Variants in ZSWIM6 observed in about 807,000 individuals in gnomAD.
The protein encoded by ZSWIM6 is zinc finger SWIM-type containing 6.
In ZSWIM6, 9 loss-of-function variants were observed where a neutral mutation model predicts 113.2. The ratio of observed to expected loss-of-function variants is 0.08; its 90% CI spans 0.05 to 0.14. ZSWIM6 has a LOEUF of 0.14. Ranked by LOEUF, ZSWIM6 falls within the 10% of genes least tolerant of loss-of-function variation. ZSWIM6 has a pLI of 1.00. For synonymous variants in ZSWIM6, 611 were observed against 606.5 expected, an observed-to-expected ratio of 1.01 and a Z score of -0.11; for missense variants, 1,162 against 1,552.2, an observed-to-expected ratio of 0.75 and a Z score of 4.22.
Position 61,472,808 on chromosome 5 carries a change from C to A in ZSWIM6, c.804C>A (p.Asp268Glu). The A allele has an allele frequency of 6.4e-7, 1 of 1,551,836 alleles. No individual in the cohort carries two copies. Reference sequence around the variant, plus strand: ...TGACCTGCAGCTGTGGAAACAAGGACATATTTTATTGTGCCCATGTTGTGG... The same window carrying A: ...TGACCTGCAGCTGTGGAAACAAGGAAATATTTTATTGTGCCCATGTTGTGG... ...TSVTCSCGNK[D>E]IFYCAHVVAL... Residue 268 changes from aspartate to glutamate, a missense_variant, in exon 2 of 14, where the codon GAC (aspartate) becomes GAA (glutamate). By Grantham distance (45) the Asp-to-Glu change is conservative (BLOSUM62 2). This residue lies in a region of ZSWIM6 where 96 missense variants were observed against 240.3 expected (regional missense o/e 0.40). Coordinates refer to ENST00000252744, the MANE Select transcript of ZSWIM6 (RefSeq NM_020928.2). The surrounding 1 kb of genome is among the most constrained non-coding windows in gnomAD (Gnocchi z 4.1).
chr5:61,523,724 T>C (rs1486434386), intron 5 of ZSWIM6, among the ~76,000 whole-genome samples: 1 of 152,240 alleles, frequency 6.6e-6, no homozygotes, highest in Non-Finnish European at 1.5e-5. Context: ...ATCTTCTATG[T>C]CCAGCTACAT....
At position 61,437,746 on chromosome 5, in the gene ZSWIM6, C is replaced by A. The variant is rs1440077964; in HGVS notation, c.677-34935C>A. 9.3e-5 allele frequency among the ~76,000 whole-genome samples: 14 copies of A among 150,196 alleles called. No individual in the cohort carries two copies. In the East Asian group the frequency reaches 2.5e-3, roughly 27 times the overall value. On this transcript the variant is annotated intron_variant, in intron 1 of 13. Transcript: ENST00000252744. ...AAAAAAAAAAAAAAAAAAAGAAATC[C>A]ACTAGTTGACTCCTAGAACCATGAG... is the stretch of plus-strand genomic sequence containing the variant.
At chr5:61,520,210 A>C (rs1217285956) in intron 4 of ZSWIM6, among the ~76,000 whole-genome samples, 1 of 152,236 alleles carries the variant, frequency 6.6e-6, no homozygotes, top group East Asian at 1.9e-4. Flanking sequence ...TTTCATTCCT[A>C]CCATTATTAT....
intron 1 of ZSWIM6, among the ~76,000 whole-genome samples, chr5:61,409,432 G>T (rs1404277021): frequency 6.6e-6 from 1 of 152,142 alleles, no homozygotes; most frequent in Non-Finnish European, 1.5e-5. Context: ...TGGAAAATTG[G>T]CAAGATTAAT....
intron 1 of ZSWIM6, among the ~76,000 whole-genome samples, chr5:61,381,682 A>G (rs1018946550): frequency 6.6e-6 from 1 of 152,196 alleles, no homozygotes; most frequent in African/African-American, 2.4e-5. Context: ...TCAGAGTGAT[A>G]TATTTTTCCC....
chr5:61,341,362 G>A (rs1353638904), intron 1 of ZSWIM6, among the ~76,000 whole-genome samples: 3 of 152,066 alleles, frequency 2.0e-5, no homozygotes, highest in Non-Finnish European at 2.9e-5. Flanking sequence ...TTTATTAATC[G>A]TCGTAAAATG....
chr5:61,403,607 T>G (rs933207690), intron 1 of ZSWIM6, among the ~76,000 whole-genome samples: 1 of 152,182 alleles, frequency 6.6e-6, no homozygotes, highest in African/African-American at 2.4e-5. Context: ...AAGGAACACT[T>G]TGTCTTCAGA....
intron 1 of ZSWIM6, among the ~76,000 whole-genome samples, chr5:61,437,477 C>T (rs1222231223): frequency 6.6e-6 from 1 of 152,080 alleles, no homozygotes; most frequent in Non-Finnish European, 1.5e-5. Context: ...AGTCCTAGCA[C>T]TTTGGGAAGC....
At chr5:61,418,299 GCT>G (rs1746293635) in intron 1 of ZSWIM6, among the ~76,000 whole-genome samples, 1 of 152,068 alleles carries the variant, frequency 6.6e-6, no homozygotes, top group Non-Finnish European at 1.5e-5. Flanking sequence ...GCGAAATCTT[GCT>G]CTGTCGCCCA....
At chr5:61,349,481 G>C (rs1164307668) in intron 1 of ZSWIM6, among the ~76,000 whole-genome samples, 1 of 152,150 alleles carries the variant, frequency 6.6e-6, no homozygotes, top group African/African-American at 2.4e-5. Context: ...AATGTGAATT[G>C]CTGTGGCATA....
chr5:61,538,017 A>G (rs1580072128), intron 10 of ZSWIM6, among the ~76,000 whole-genome samples: 1 of 152,110 alleles, frequency 6.6e-6, no homozygotes, highest in African/African-American at 2.4e-5. Context: ...CATGGCTCCC[A>G]GGCTCAGCTG....
intron 1 of ZSWIM6, among the ~76,000 whole-genome samples, chr5:61,374,605 G>A (rs1341329982): frequency 6.6e-6 from 1 of 152,176 alleles, no homozygotes; most frequent in South Asian, 2.1e-4. Context: ...CCAGGCTGGA[G>A]TGCAGTGGCC....
chr5:61,380,566 C>G (rs1745453296), intron 1 of ZSWIM6, among the ~76,000 whole-genome samples: 1 of 152,128 alleles, frequency 6.6e-6, no homozygotes, highest in Non-Finnish European at 1.5e-5. Context: ...TCATATGAAG[C>G]CTGAGAGTCC....
intron 2 of ZSWIM6, among the ~76,000 whole-genome samples, chr5:61,480,154 T>G (rs988703953): frequency 6.6e-6 from 1 of 152,238 alleles, no homozygotes; most frequent in Admixed American, 6.5e-5. Flanking sequence ...CATTTTTTAA[T>G]GAGCATTGGA....
At position 61,472,278 on chromosome 5, in the gene ZSWIM6, C is replaced by T. The variant is rs184695028; in HGVS notation, c.677-403C>T. Among the ~76,000 whole-genome samples, 2 of 152,156 alleles carry T rather than the reference C, an allele frequency of 1.3e-5. No individual in the cohort carries two copies. Among genetic ancestry groups the T allele is most frequent in the East Asian group, 3.9e-4 (2 of 5,180 alleles). On this transcript the variant is annotated intron_variant, in intron 1 of 13. Coordinates refer to ENST00000252744, the MANE Select transcript of ZSWIM6 (RefSeq NM_020928.2). This position sits in a 1 kb window ranked among gnomAD's most constrained non-coding sequence, Gnocchi z 4.1. The stretch of plus-strand genomic sequence containing the variant: ...GAGAAGAAAGCTGAGCTAGGTGACT[C>T]TGCTTAAAAAAGGAGTAGAAAAAAG...
intron 1 of ZSWIM6, among the ~76,000 whole-genome samples, chr5:61,423,579 G>A (rs1746399033): frequency 6.6e-6 from 1 of 152,154 alleles, no homozygotes; most frequent in Non-Finnish European, 1.5e-5. Flanking sequence ...ACCACTTTTA[G>A]TGAAGATACA....
At position 61,511,836 on chromosome 5, in the gene ZSWIM6, G is replaced by A. The variant is rs180750162; in HGVS notation, c.1334-9427G>A. ...AGAATAGTAATTCTGACTGTGAAGG[G>A]TTATTGTAACAAGTTAATGATAAAT... On this transcript the variant is annotated intron_variant, in intron 4 of 13. Coordinates refer to ENST00000252744, the MANE Select transcript of ZSWIM6 (RefSeq NM_020928.2). Among the ~76,000 whole-genome samples the A allele has an allele frequency of 5.9e-5, 9 of 152,192 alleles. No homozygotes were observed. In the East Asian group the frequency reaches 1.5e-3, roughly 26 times the overall value.
intron 1 of ZSWIM6, among the ~76,000 whole-genome samples, chr5:61,389,926 A>T (rs1478155367): frequency 2.0e-5 from 3 of 152,234 alleles, no homozygotes; most frequent in Non-Finnish European, 4.4e-5. Flanking sequence ...AGGTTCTCTG[A>T]CCAATCTAGG....
At chr5:61,446,398 G>A (rs1286293353) in intron 1 of ZSWIM6, among the ~76,000 whole-genome samples, 1 of 152,148 alleles carries the variant, frequency 6.6e-6, no homozygotes, top group Non-Finnish European at 1.5e-5. Flanking sequence ...AATATCAGAT[G>A]TTCACCTAAG....
Sources: gnomAD v4.1 joint callset for allele counts (sites outside exome capture counted in the v4.1 genomes callset) on GRCh38, gnomAD v4.1.1 for gene constraint, gnomAD v4.1.1 regional missense constraint, Gnocchi (gnomAD v3.1) non-coding constraint, MANE v1.5 for transcripts, NCBI Gene and HGNC (gene_info 2026-07-23, HGNC 2026-07-21) for gene names.